The following TMEM177 variants were observed in gnomAD, a reference collection of about 807,000 sequenced individuals.
TMEM177 encodes the protein transmembrane protein 177.
In TMEM177, 4 loss-of-function variants were observed where a neutral mutation model predicts 14.2. The observed-to-expected ratio is 0.28, with a 90% CI of 0.14 to 0.64. TMEM177 has a LOEUF of 0.64. Ranked by LOEUF, TMEM177 falls within the 30% of genes least tolerant of loss-of-function variation. TMEM177 has a pLI of 0.82. For missense variants in TMEM177, 344 were observed against 405.2 expected, an observed-to-expected ratio of 0.85 and a Z score of 1.30; for synonymous variants, 179 against 174.5, an observed-to-expected ratio of 1.03 and a Z score of -0.20.
At chr2:119,689,971 CT>C (rs1236853325), downstream of TMEM177, among the ~76,000 whole-genome samples, 2 of 152,246 alleles carry the variant, frequency 1.3e-5, no homozygotes, top group African/African-American at 4.8e-5. Context: ...TCTCAGCCCC[CT>C]AGAGCCCTTG....
chr2:119,711,576 C>A, the TMEM177 span, among the ~76,000 whole-genome samples: 1 of 152,136 alleles, frequency 6.6e-6, no homozygotes, highest in Non-Finnish European at 1.5e-5. Flanking sequence ...TTTTTCACAT[C>A]GCCTGGGGCT....
downstream of TMEM177, among the ~76,000 whole-genome samples, chr2:119,691,410 G>A (rs151040159): frequency 3.4e-3 from 524 of 152,226 alleles, 3 homozygotes; most frequent in African/African-American, 7.6e-3. Context: ...TGCCCAAGGT[G>A]CAGTTGTCAA....
At chr2:119,721,365 A>G in the TMEM177 span, among the ~76,000 whole-genome samples, 1 of 152,214 alleles carries the variant, frequency 6.6e-6, no homozygotes, top group Non-Finnish European at 1.5e-5. Flanking sequence ...ATATGGCCCA[A>G]TTCCATGGGG....
chr2:119,705,122 C>T, the TMEM177 span, among the ~76,000 whole-genome samples: 1 of 152,342 alleles, frequency 6.6e-6, no homozygotes, highest in Non-Finnish European at 1.5e-5. Context: ...ATCTCCCCTC[C>T]CCAGGCCAGG....
Position 119,681,700 on chromosome 2 carries a change from T to C in TMEM177, c.847T>C (p.Leu283=). 1 of 1,614,184 alleles carries C rather than the reference T, an allele frequency of 6.2e-7. No homozygotes were observed. Among genetic ancestry groups the C allele is most frequent in the South Asian group, 1.1e-5 (1 of 91,088 alleles). ...TPSGNIVPRH[L]FRIKHLPYTT... is the part of the protein sequence containing the mutation. Reference sequence around the variant, plus strand: ...CAGCGGGAACATCGTCCCCAGACACTTGTTCCGAATCAAACATTTACCCTA... The same window carrying C: ...CAGCGGGAACATCGTCCCCAGACACCTGTTCCGAATCAAACATTTACCCTA... The change falls in exon 2 of 2, where the codon TTG becomes CTG. Residue 283 remains leucine (L), a synonymous_variant. Transcript: ENST00000272521.
chr2:119,688,638 C>T (rs948054301), downstream of TMEM177, among the ~76,000 whole-genome samples: 1 of 152,036 alleles, frequency 6.6e-6, no homozygotes, highest in Non-Finnish European at 1.5e-5. Flanking sequence ...CGTGGTTCCT[C>T]GCCGACTGAA....
the TMEM177 span, among the ~76,000 whole-genome samples, chr2:119,721,222 C>T: frequency 6.6e-6 from 1 of 152,208 alleles, no homozygotes; most frequent in South Asian, 2.1e-4. Context: ...GAGGGAAGGA[C>T]AGCTGGAGAT....
the TMEM177 span, among the ~76,000 whole-genome samples, chr2:119,717,006 C>A: frequency 6.6e-6 from 1 of 152,198 alleles, no homozygotes; most frequent in Non-Finnish European, 1.5e-5. Context: ...TCTCTCCCCC[C>A]ACCCCTTTTT....
downstream of TMEM177, among the ~76,000 whole-genome samples, chr2:119,682,563 A>G (rs551932492): frequency 7.9e-5 from 12 of 152,244 alleles, no homozygotes; most frequent in Non-Finnish European, 1.3e-4. Context: ...ACACTCAGGG[A>G]GAAGGAGACC....
downstream of TMEM177, chr2:119,682,120 T>C: frequency 5.0e-6 from 1 of 201,718 alleles, no homozygotes; most frequent in Non-Finnish European, 9.9e-6. Flanking sequence ...TCCCTCCTTC[T>C]TGGTCGTTTT....
chr2:119,700,873 G>T, the TMEM177 span, among the ~76,000 whole-genome samples: 5 of 152,180 alleles, frequency 3.3e-5, 1 homozygote, highest in Non-Finnish European at 7.3e-5. Context: ...TGCTTTTTCT[G>T]GCTGTTTTGA....
the TMEM177 span, among the ~76,000 whole-genome samples, chr2:119,694,172 C>T: frequency 1.8e-4 from 26 of 145,836 alleles, no homozygotes; most frequent in African/African-American, 6.3e-4. Context: ...TGCCACACAA[C>T]ACACAAACAC....
At chr2:119,695,631 T>C in the TMEM177 span, among the ~76,000 whole-genome samples, 1 of 152,234 alleles carries the variant, frequency 6.6e-6, no homozygotes. Flanking sequence ...AAGCATTTTG[T>C]GAGCACCCGC....
chr2:119,688,056 A>G (rs562333547), downstream of TMEM177, among the ~76,000 whole-genome samples: 2 of 152,240 alleles, frequency 1.3e-5, no homozygotes, highest in Admixed American at 6.5e-5. Flanking sequence ...CAAAATGACA[A>G]TAATGGAAAT....
chr2:119,715,828 C>T, the TMEM177 span, among the ~76,000 whole-genome samples: 1 of 152,230 alleles, frequency 6.6e-6, no homozygotes, highest in Non-Finnish European at 1.5e-5. Flanking sequence ...CTGGCAAAGC[C>T]TGTCCCTGTG....
chr2:119,696,107 C>G, the TMEM177 span, among the ~76,000 whole-genome samples: 500 of 152,270 alleles, frequency 3.3e-3, 2 homozygotes, highest in African/African-American at 0.012. Context: ...GGCTGCAGAC[C>G]ATCCTACAGG....
chr2:119,695,031 T>C, the TMEM177 span, among the ~76,000 whole-genome samples: 9 of 152,332 alleles, frequency 5.9e-5, no homozygotes, highest in African/African-American at 1.9e-4. Flanking sequence ...TTTTTAATGC[T>C]TGGGTCTTTA....
At position 119,682,101 on chromosome 2, in the gene TMEM177, A is replaced by T. The variant is rs1056625978; in HGVS notation, c.*312A>T. 3.4e-6 allele frequency: 1 copy of T among 293,698 alleles called. No individual in the cohort carries two copies. Among genetic ancestry groups the T allele is most frequent in the African/African-American group, 2.2e-5 (1 of 45,558 alleles). 18.2% of individuals were successfully genotyped at this position (293,698 alleles called of 1,614,324 possible). ...CTGGCACAAAGGGTGCACTGTAAAT[A>T]AACAGACATCCCTCCTTCTTGGTCG... On this transcript the variant is annotated 3_prime_UTR_variant, in exon 2 of 2. Coordinates refer to ENST00000272521, the MANE Select transcript of TMEM177 (RefSeq NM_030577.3).
downstream of TMEM177, among the ~76,000 whole-genome samples, chr2:119,683,529 C>G (rs59771783): frequency 0.15 from 22,286 of 152,140 alleles, 1,679 homozygotes; most frequent in Middle Eastern, 0.19. Context: ...ACTCCCACCC[C>G]CAACCCATCT....
Sources: allele counts gnomAD v4.1 joint callset (sites outside exome capture counted in the v4.1 genomes callset), GRCh38; gene constraint gnomAD v4.1.1; transcripts MANE v1.5; gene names NCBI Gene and HGNC (gene_info 2026-07-23, HGNC 2026-07-21).